TNFAIP3: variants seen among roughly 807,000 people sequenced by gnomAD.
TNFAIP3 encodes tumor necrosis factor alpha-induced protein 3.
In TNFAIP3, 9 loss-of-function variants were observed where a neutral mutation model predicts 72.4. That is an observed-to-expected ratio of 0.12 (90% CI 0.07 to 0.22). The LOEUF is 0.22. Ranked by LOEUF, TNFAIP3 falls within the 10% of genes least tolerant of loss-of-function variation. The pLI is 1.00. For synonymous variants in TNFAIP3, 339 were observed against 372.6 expected, an observed-to-expected ratio of 0.91 and a Z score of 1.04; for missense variants, 833 against 1,018.7, an observed-to-expected ratio of 0.82 and a Z score of 2.48.
chr6:137,877,053 T>A (rs367986356), intron 5 of TNFAIP3, 23 bp from the exon 6 acceptor site: 40 of 1,560,376 alleles, frequency 2.6e-5, no homozygotes, highest in Non-Finnish European at 3.1e-5. Context: ...ACTGTTTTAC[T>A]TATGTATTAT....
rs1776331944 is a variant in TNFAIP3, at chr6:137,878,699, C to T, written c.1254C>T (p.Leu418=). 6.2e-7 allele frequency: 1 copy of T among 1,614,060 alleles called. No homozygotes were observed. Among genetic ancestry groups the T allele is most frequent in the African/African-American group, 1.3e-5 (1 of 74,934 alleles). Residue 418 remains leucine (L), a synonymous_variant, in exon 7 of 9, where the codon CTC becomes CTT. Coordinates refer to ENST00000612899, the MANE Select transcript of TNFAIP3 (RefSeq NM_001270508.2). ...SERRQKNQNK[L]PKLNSKPGPE... ...GGCGGCAAAAGAATCAAAACAAACT[C>T]CCAAAGCTGAACTCCAAGCCGGGCC...
chr6:137,874,646 G>T (rs1776174363), intron 2 of TNFAIP3, among the ~76,000 whole-genome samples, 199 bp from the exon 3 acceptor site: 1 of 152,158 alleles, frequency 6.6e-6, no homozygotes, highest in African/African-American at 2.4e-5. Flanking sequence ...TTAAAAAGAA[G>T]AATAAAAAGA....
intron 1 of TNFAIP3, among the ~76,000 whole-genome samples, chr6:137,869,053 A>C (rs1479055448): frequency 6.6e-6 from 1 of 152,192 alleles, no homozygotes. Context: ...ATCTCTTTCC[A>C]TCTGATTGTG....
At position 137,879,070 on chromosome 6, in the gene TNFAIP3, G is replaced by C. The variant is rs2114503105; in HGVS notation, c.1625G>C (p.Arg542Thr). ...GGGATCTGCAGTACTTGCTTCAAAAGGACTACAGCAGAGGCCTCCTCCAGC... is the reference window on the plus strand; with the variant it reads ...GGGATCTGCAGTACTTGCTTCAAAACGACTACAGCAGAGGCCTCCTCCAGC... ...FNGICSTCFK[R>T]TTAEASSSLS... Residue 542 changes from arginine (R) to threonine (T), a missense_variant, in exon 7 of 9, where the codon AGG becomes ACG. This residue lies in a region of TNFAIP3 where 587 missense variants were observed against 657.8 expected (regional missense o/e 0.89). Coordinates refer to ENST00000612899, the MANE Select transcript of TNFAIP3 (RefSeq NM_001270508.2). 6.2e-7 allele frequency: 1 copy of C among 1,614,212 alleles called. No homozygotes were observed. The highest frequency in any genetic ancestry group is 8.5e-7 in the Non-Finnish European group (1 of 1,180,044).
In TNFAIP3 at chr6:137,878,938, G is replaced by A. The variant is rs1776343617; in HGVS notation, c.1493G>A (p.Cys498Tyr). Residue 498 changes from cysteine (C) to tyrosine (Y), a missense_variant, in exon 7 of 9, where the codon TGC (cysteine) becomes TAC (tyrosine). This residue lies in a region of TNFAIP3 where 587 missense variants were observed against 657.8 expected (regional missense o/e 0.89). Transcript: ENST00000612899. ...NVQHNGFCER[C>Y]HNARQLHASH... The stretch of plus-strand genomic sequence containing the variant: ...CAGCACAACGGATTTTGTGAACGTT[G>A]CCACAACGCCCGGCAACTTCACGCC... 6.2e-7 allele frequency: 1 copy of A among 1,614,048 alleles called. No homozygotes were observed. Among genetic ancestry groups the A allele is most frequent in the South Asian group, 1.1e-5 (1 of 91,084 alleles).
At chr6:137,873,681 A>G (rs1360983204) in intron 2 of TNFAIP3, among the ~76,000 whole-genome samples, 1 of 152,232 alleles carries the variant, frequency 6.6e-6, no homozygotes, top group African/African-American at 2.4e-5. Flanking sequence ...GGAAATTTCA[A>G]CAGAACGCAA....
Position 137,881,380 on chromosome 6 carries a change from T to C in TNFAIP3, c.*61T>C. 6.9e-7 allele frequency: 1 copy of C among 1,452,684 alleles called. No individual in the cohort carries two copies. The highest frequency in any genetic ancestry group is 1.3e-5 in the South Asian group (1 of 74,482). 90.0% of individuals were successfully genotyped at this position (1,452,684 alleles called of 1,614,324 possible). On this transcript the variant is annotated 3_prime_UTR_variant, in exon 9 of 9. Coordinates refer to ENST00000612899, the MANE Select transcript of TNFAIP3 (RefSeq NM_001270508.2). The surrounding 1 kb of genome is among the most constrained non-coding windows in gnomAD (Gnocchi z 5.0). ...GGCCTCGAGCTGTCAGTCATCATGG[T>C]GCTATCCTCTGAACCCCTCAGCTGC...
chr6:137,871,534 T>C lies in TNFAIP3; in HGVS notation c.295+12T>C. 6.2e-7 allele frequency: 1 copy of C among 1,610,782 alleles called. No homozygotes were observed. The highest frequency in any genetic ancestry group is 1.3e-5 in the African/African-American group (1 of 74,826). On this transcript the variant is annotated intron_variant, in intron 2 of 8. Transcript: ENST00000612899. This position sits in a 1 kb window ranked among gnomAD's most constrained non-coding sequence, Gnocchi z 4.2. ...GCTGAAAACGAACGGTAAGACTTGT[T>C]CTGTTGTGTTTCTTTTGCCTGGGTG... is the stretch of plus-strand genomic sequence containing the variant.
rs2114505614 is a variant in TNFAIP3, at chr6:137,879,252, G to A, written c.1807G>A (p.Gly603Arg). ...TGCACGGACTCCTGGGGACAGGACG[G>A]GGACGAGCAAGTGCAGAAAAGCCGG... ...QAARTPGDRT[G>R]TSKCRKAGCV... is the part of the protein sequence containing the mutation. The change falls in exon 7 of 9, where the codon GGG becomes AGG. Residue 603 changes from glycine (G) to arginine (R), a missense_variant. Physicochemically the swap from Gly to Arg is moderately radical, Grantham distance 125 (BLOSUM62 -2). This residue lies in a region of TNFAIP3 where 587 missense variants were observed against 657.8 expected (regional missense o/e 0.89). Coordinates refer to ENST00000612899, the MANE Select transcript of TNFAIP3 (RefSeq NM_001270508.2). 6.2e-7 allele frequency: 1 copy of A among 1,614,200 alleles called. No individual in the cohort carries two copies. The highest frequency in any genetic ancestry group is 8.5e-7 in the Non-Finnish European group (1 of 1,180,032).
intron 1 of TNFAIP3, among the ~76,000 whole-genome samples, chr6:137,869,376 T>TGGATGGAC (rs974488086): frequency 1.9e-4 from 27 of 141,974 alleles, no homozygotes; most frequent in Admixed American, 1.7e-3. Context: ...GATGGATGGA[T>TGGATGGAC]GGACGGACGG....
At position 137,871,115 on chromosome 6, in the gene TNFAIP3, AC is replaced by A; in HGVS notation, c.-15-97del. 3 of 1,150,636 alleles carry A rather than the reference AC, an allele frequency of 2.6e-6. No individual in the cohort carries two copies. The highest frequency in any genetic ancestry group is 3.7e-6 in the Non-Finnish European group (3 of 820,926). 71.3% of individuals were successfully genotyped at this position (1,150,636 alleles called of 1,614,324 possible). On this transcript the variant is annotated intron_variant, in intron 1 of 8. Coordinates refer to ENST00000612899, the MANE Select transcript of TNFAIP3 (RefSeq NM_001270508.2). The surrounding 1 kb of genome is among the most constrained non-coding windows in gnomAD (Gnocchi z 4.2). The stretch of plus-strand genomic sequence containing the variant: ...CTTTTGCCTACAGATCAGGGTAATG[AC>A]AAGATCAAACACTGGGGTTTCCTGC...
In TNFAIP3 at chr6:137,871,518, G is replaced by A. The variant is rs376435384; in HGVS notation, c.291G>A (p.Thr97=). The change falls in exon 2 of 9, where the codon ACG becomes ACA. Residue 97 remains threonine, a synonymous_variant. Transcript: ENST00000612899. This position sits in a 1 kb window ranked among gnomAD's most constrained non-coding sequence, Gnocchi z 4.2. The part of the protein sequence containing the change: ...REVRKLVALK[T]NGDGNCLMHA... The stretch of plus-strand genomic sequence containing the variant: ...TCCGGAAGCTTGTGGCGCTGAAAAC[G>A]AACGGTAAGACTTGTTCTGTTGTGT... 2.0e-5 allele frequency: 33 copies of A among 1,613,776 alleles called. No individual in the cohort carries two copies. Among genetic ancestry groups the A allele is most frequent in the South Asian group, 1.5e-4 (14 of 91,052 alleles).
At chr6:137,880,004 C>A in intron 7 of TNFAIP3, 67 bp from the exon 8 acceptor site, 2 of 1,423,934 alleles carry the variant, frequency 1.4e-6, no homozygotes, top group Non-Finnish European at 9.8e-7. Context: ...TATTTCTCTA[C>A]TGTCAGCATC....
chr6:137,869,670 TCTCAACACCTTATCAATGGTGTTGAG>T (rs1296355241), intron 1 of TNFAIP3, among the ~76,000 whole-genome samples: 4 of 152,164 alleles, frequency 2.6e-5, no homozygotes, highest in Non-Finnish European at 5.9e-5. Context: ...ACAAGAATTA[TCTCAACACCTTATCAATGGTGTTGAG>T]AGTCTAGACC....
Position 137,879,312 on chromosome 6 carries a change from T to C in TNFAIP3, c.1867T>C (p.Phe623Leu). ...VYFGTPENKG[F>L]CTLCFIEYRE... Reference sequence around the variant, plus strand: ...TTTTGGGACTCCAGAAAACAAGGGCTTTTGCACACTGTGTTTCATCGAGTA... The same window carrying C: ...TTTTGGGACTCCAGAAAACAAGGGCCTTTGCACACTGTGTTTCATCGAGTA... The change falls in exon 7 of 9, where the codon TTT (phenylalanine) becomes CTT (leucine). Residue 623 changes from phenylalanine to leucine, a missense_variant. By Grantham distance (22) the Phe-to-Leu change is conservative. Around this residue, in one of 2 missense-constraint regions of TNFAIP3, gnomAD observed 587 missense variants for 657.8 expected, o/e 0.89. Coordinates refer to ENST00000612899, the MANE Select transcript of TNFAIP3 (RefSeq NM_001270508.2). 1 of 1,614,096 alleles carries C rather than the reference T, an allele frequency of 6.2e-7. No individual in the cohort carries two copies. Among genetic ancestry groups the C allele is most frequent in the South Asian group, 1.1e-5 (1 of 91,084 alleles).
intron 1 of TNFAIP3, chr6:137,868,346 G>C (rs1217121876): frequency 1.3e-5 from 2 of 152,340 alleles, no homozygotes; most frequent in Non-Finnish European, 2.9e-5. Flanking sequence ...TCTCAGGGTA[G>C]CATTTTGGCA....
chr6:137,873,986 A>T (rs935145410), intron 2 of TNFAIP3, among the ~76,000 whole-genome samples: 1 of 152,220 alleles, frequency 6.6e-6, no homozygotes, highest in Admixed American at 6.5e-5. Flanking sequence ...TGTTTTAAAC[A>T]TTCCCCCAAA....
In TNFAIP3 at chr6:137,881,187, C is replaced by G. The variant is rs997933611; in HGVS notation, c.2241C>G (p.Ala747=). The G allele has an allele frequency of 2.5e-6, 4 of 1,613,550 alleles. No individual in the cohort carries two copies. In the African/African-American group the frequency reaches 5.3e-5, roughly 22 times the overall value. Residue 747 remains alanine (A), a synonymous_variant, in exon 9 of 9, where the codon GCC becomes GCG. Coordinates refer to ENST00000612899, the MANE Select transcript of TNFAIP3 (RefSeq NM_001270508.2). The surrounding 1 kb of genome is among the most constrained non-coding windows in gnomAD (Gnocchi z 5.0). ...CCAACCAGAGGATGGGCCCTGGGGCCCACCGGGGTGAGCCTGCCCCCGAAG... is the reference window on the plus strand; with the variant it reads ...CCAACCAGAGGATGGGCCCTGGGGCGCACCGGGGTGAGCCTGCCCCCGAAG... The part of the protein sequence containing the change: ...QHPNQRMGPG[A]HRGEPAPEDP...
Position 137,871,887 on chromosome 6 carries a change from G to A in TNFAIP3, c.295+365G>A, listed in dbSNP as rs1197129849. Among the ~76,000 whole-genome samples, 1 of 152,176 alleles carries A rather than the reference G, an allele frequency of 6.6e-6. No homozygotes were observed. The highest frequency in any genetic ancestry group is 1.5e-5 in the Non-Finnish European group (1 of 68,028). ...TGTTAAAAGCCTTTAAGTTCAAAAG[G>A]AAAGAATGGTGTGAAAACTGGTAGT... On this transcript the variant is annotated intron_variant, in intron 2 of 8. Coordinates refer to ENST00000612899, the MANE Select transcript of TNFAIP3 (RefSeq NM_001270508.2). The surrounding 1 kb of genome is among the most constrained non-coding windows in gnomAD (Gnocchi z 4.2).
Sources: allele counts gnomAD v4.1 joint callset (sites outside exome capture counted in the v4.1 genomes callset), GRCh38; gene constraint gnomAD v4.1.1; regional missense constraint gnomAD v4.1.1; non-coding constraint Gnocchi (gnomAD v3.1); transcripts MANE v1.5; gene names NCBI Gene and HGNC (gene_info 2026-07-23, HGNC 2026-07-21).